LGSN: variants seen among roughly 807,000 people sequenced by gnomAD.
LGSN encodes lengsin, lens protein with glutamine synthetase domain.
In LGSN, 21 loss-of-function variants were observed where a neutral mutation model predicts 19.5. The ratio of observed to expected loss-of-function variants is 1.07; its 90% confidence interval spans 0.76 to 1.55. The LOEUF (loss-of-function observed/expected upper bound fraction) is 1.55. Among genes scored for constraint, LGSN ranks in the 40% most tolerant of loss-of-function variants. LGSN has a pLI of 0.00. For missense variants in LGSN, 673 were observed against 608.5 expected (o/e 1.11, Z -1.12); for synonymous variants, 257 against 215.6 (o/e 1.19, Z -1.68).
At chr6:63,533,154 G>C in the LGSN span, among the ~76,000 whole-genome samples, 3 of 152,210 alleles carry the variant, frequency 2.0e-5, no homozygotes, top group Admixed American at 6.5e-5. Context: ...GGCTGAGGCA[G>C]GTGGGTCACT....
the LGSN span, among the ~76,000 whole-genome samples, chr6:63,409,694 G>A: frequency 6.6e-6 from 1 of 152,148 alleles, no homozygotes; most frequent in African/African-American, 2.4e-5. Flanking sequence ...TATACAAACA[G>A]ACTTTTTTGC....
the LGSN span, among the ~76,000 whole-genome samples, chr6:63,412,773 A>AAAGAAAGAAAGAAAGAAAGAG: frequency 5.1e-5 from 1 of 19,496 alleles, no homozygotes. Flanking sequence ...GAAAGAAAGG[A>AAAGAAAGAAAGAAAGAAAGAG]AGGAAGGGAA....
the LGSN span, among the ~76,000 whole-genome samples, chr6:63,456,828 C>T: frequency 6.6e-6 from 1 of 152,134 alleles, no homozygotes; most frequent in African/African-American, 2.4e-5. Flanking sequence ...GGAAGAAATT[C>T]TTTGCCACTA....
chr6:63,431,936 C>T, the LGSN span, among the ~76,000 whole-genome samples: 2 of 150,520 alleles, frequency 1.3e-5, no homozygotes, highest in Non-Finnish European at 3.0e-5. Context: ...ATTAGTTGGG[C>T]GTGGTGGTGG....
At chr6:63,340,174 C>T in the LGSN span, among the ~76,000 whole-genome samples, 12 of 152,124 alleles carry the variant, frequency 7.9e-5, no homozygotes, top group South Asian at 4.1e-4. Context: ...TGTGACTTGA[C>T]GCTTTTCTCT....
At chr6:63,436,449 A>T in the LGSN span, among the ~76,000 whole-genome samples, 1 of 152,214 alleles carries the variant, frequency 6.6e-6, no homozygotes, top group Admixed American at 6.5e-5. Flanking sequence ...TATTAACAAG[A>T]CATTACCTCA....
the LGSN span, chr6:63,572,613 A>G: frequency 2.1e-5 from 9 of 419,748 alleles, no homozygotes; most frequent in South Asian, 1.1e-4. Context: ...CTCCGCCACG[A>G]CCACCGCCGC....
chr6:63,508,337 T>G, the LGSN span, among the ~76,000 whole-genome samples: 3 of 152,192 alleles, frequency 2.0e-5, no homozygotes, highest in Non-Finnish European at 2.9e-5. Context: ...GTAAGACTTT[T>G]GATTGCCTTC....
the LGSN span, among the ~76,000 whole-genome samples, chr6:63,523,705 C>T: frequency 6.6e-6 from 1 of 152,222 alleles, no homozygotes; most frequent in East Asian, 1.9e-4. Context: ...TTCATAAACT[C>T]TTTTAAAATT....
At chr6:63,428,478 A>T in the LGSN span, among the ~76,000 whole-genome samples, 1 of 152,032 alleles carries the variant, frequency 6.6e-6, no homozygotes, top group Non-Finnish European at 1.5e-5. Context: ...CAGCCTCCCG[A>T]GTAGCTGGGA....
At chr6:63,531,512 C>CTTTTTTTTTTTTTTTT in the LGSN span, among the ~76,000 whole-genome samples, 1 of 128,538 alleles carries the variant, frequency 7.8e-6, no homozygotes, top group African/African-American at 2.9e-5. Flanking sequence ...ATCTATTATG[C>CTTTTTTTTTTTTTTTT]TTTTTTTTTT....
At chr6:63,281,326 TATATAATAA>T (rs1287209049) in intron 3 of LGSN, 106 bp from the exon 4 acceptor site, 6 of 168,870 alleles carry the variant, frequency 3.6e-5, no homozygotes, top group Admixed American at 6.6e-5. Context: ...TATATATATA[TATATAATAA>T]ATATATATAT....
the LGSN span, among the ~76,000 whole-genome samples, chr6:63,361,284 T>C: frequency 6.6e-6 from 1 of 152,198 alleles, no homozygotes; most frequent in Non-Finnish European, 1.5e-5. Context: ...CAGTCCTCCT[T>C]GAGCTGCAGT....
At chr6:63,522,286 T>C in the LGSN span, among the ~76,000 whole-genome samples, 1 of 152,248 alleles carries the variant, frequency 6.6e-6, no homozygotes, top group African/African-American at 2.4e-5. Context: ...AGATGAATTA[T>C]TTGTATAGTT....
chr6:63,455,607 A>G, the LGSN span, among the ~76,000 whole-genome samples: 3 of 152,074 alleles, frequency 2.0e-5, no homozygotes, highest in East Asian at 5.8e-4. Flanking sequence ...ATACAAAATT[A>G]GGTGGGCACA....
At chr6:63,315,387 T>C (rs1419302683) in intron 1 of LGSN, among the ~76,000 whole-genome samples, 1 of 152,110 alleles carries the variant, frequency 6.6e-6, no homozygotes, top group African/African-American at 2.4e-5. Flanking sequence ...TAGAAGGGCT[T>C]AGACCTGTGC....
the LGSN span, among the ~76,000 whole-genome samples, chr6:63,443,042 G>A: frequency 2.0e-5 from 3 of 152,192 alleles, no homozygotes; most frequent in Non-Finnish European, 2.9e-5. Context: ...GGAGCCCACC[G>A]CGTGGGGGCT....
intron 2 of LGSN, among the ~76,000 whole-genome samples, chr6:63,290,092 G>A (rs565277579): frequency 1.1e-4 from 16 of 152,188 alleles, no homozygotes; most frequent in African/African-American, 3.9e-4. Context: ...GAAAAACTTA[G>A]AGAAGTTATT....
At chr6:63,513,937 C>G in the LGSN span, among the ~76,000 whole-genome samples, 2 of 98,362 alleles carry the variant, frequency 2.0e-5, no homozygotes, top group African/African-American at 3.7e-5. Flanking sequence ...AAAAAAAAAA[C>G]ACTGGAAAAC....
Sources: gnomAD v4.1 joint callset for allele counts (sites outside exome capture counted in the v4.1 genomes callset) on GRCh38, gnomAD v4.1.1 for gene constraint, MANE v1.5 for transcripts, NCBI Gene and HGNC (gene_info 2026-07-23, HGNC 2026-07-21) for gene names.